Variants in MND1 observed in about 807,000 individuals in gnomAD.
MND1 encodes the protein meiotic nuclear division protein 1 homolog.
A neutral mutation model predicts 35.1 loss-of-function variants in MND1; 28 were observed. That is an observed-to-expected ratio of 0.80 (90% CI 0.59 to 1.09). The LOEUF (loss-of-function observed/expected upper bound fraction) is 1.09, where lower values mean the gene tolerates loss of function less well. MND1 is among the 50% of genes least tolerant of loss of function. The probability of loss-of-function intolerance (pLI) is 0.00; values close to 1 mark genes in which losing one functional copy is unlikely to be tolerated. For missense variants in MND1, 213 were observed against 239.6 expected, an observed-to-expected ratio of 0.89 and a Z score of 0.73; for synonymous variants, 69 against 70.5, an observed-to-expected ratio of 0.98 and a Z score of 0.11.
chr4:153,410,043 CCTTA>C (rs772449764), intron 7 of MND1, among the ~76,000 whole-genome samples: 3 of 152,160 alleles, frequency 2.0e-5, no homozygotes, highest in Non-Finnish European at 4.4e-5. Context: ...AAGCTATTCT[CCTTA>C]CTTGCTGTGT....
intron 6 of MND1, among the ~76,000 whole-genome samples, chr4:153,407,694 G>A (rs112978876): frequency 6.6e-6 from 1 of 152,100 alleles, no homozygotes; most frequent in African/African-American, 2.4e-5. Flanking sequence ...ATAGTACTTC[G>A]CATAAAAAAG....
intron 7 of MND1, among the ~76,000 whole-genome samples, chr4:153,410,349 A>G (rs1729647740): frequency 6.6e-6 from 1 of 152,134 alleles, no homozygotes; most frequent in African/African-American, 2.4e-5. Context: ...TGAGGAAGAA[A>G]GATATTTTTA....
At chr4:153,352,161 C>T (rs1773230288) in intron 2 of MND1, among the ~76,000 whole-genome samples, 1 of 152,128 alleles carries the variant, frequency 6.6e-6, no homozygotes, top group Non-Finnish European at 1.5e-5. Context: ...ATTACTTCAG[C>T]AAACACTTAA....
intron 4 of MND1, among the ~76,000 whole-genome samples, chr4:153,390,995 T>A (rs1729016201): frequency 6.6e-6 from 1 of 152,002 alleles, no homozygotes. Flanking sequence ...ACTTTTTGGA[T>A]AATGTCTACC....
chr4:153,397,122 T>A, intron 5 of MND1, 97 bp from the exon 6 acceptor site: 1 of 774,904 alleles, frequency 1.3e-6, no homozygotes, highest in Non-Finnish European at 2.0e-6. Flanking sequence ...TGCACATCAT[T>A]TATAAGAAAT....
At chr4:153,407,276 C>T (rs1473855707) in intron 6 of MND1, among the ~76,000 whole-genome samples, 1 of 152,194 alleles carries the variant, frequency 6.6e-6, no homozygotes, top group African/African-American at 2.4e-5. Context: ...CCAGCCTGAC[C>T]AACATGGTGA....
intron 4 of MND1, among the ~76,000 whole-genome samples, chr4:153,377,308 T>G (rs1455994249): frequency 6.6e-6 from 1 of 152,212 alleles, no homozygotes; most frequent in African/African-American, 2.4e-5. Flanking sequence ...TTGTTACCAA[T>G]TTTTAGAAGT....
At chr4:153,405,260 CA>C (rs1265151726) in intron 6 of MND1, among the ~76,000 whole-genome samples, 1 of 152,118 alleles carries the variant, frequency 6.6e-6, no homozygotes, top group Admixed American at 6.5e-5. Flanking sequence ...GTTATCAAGA[CA>C]GTATGGTAGT....
intron 2 of MND1, among the ~76,000 whole-genome samples, chr4:153,354,142 A>AC (rs1376462606): frequency 2.1e-5 from 3 of 144,922 alleles, no homozygotes; most frequent in African/African-American, 7.8e-5. Flanking sequence ...TATTCTAGAC[A>AC]GGTTTTTTTT....
chr4:153,350,128 C>T lies in MND1; in HGVS notation c.68C>T (p.Thr23Ile). The T allele has an allele frequency of 1.2e-6, 2 of 1,602,134 alleles. No individual in the cohort carries two copies. The highest frequency in any genetic ancestry group is 1.7e-6 in the Non-Finnish European group (2 of 1,173,752). ...RTRMMEIFSE[T>I]KDVFQLKDLE... ...CGCATGATGGAAATATTTTCTGAAA[C>T]AGTAAGTCATTTTCTTTAACACTTA... Residue 23 changes from threonine to isoleucine, a missense_variant and splice_region_variant, in exon 2 of 8, where the codon ACA (threonine) becomes ATA (isoleucine). Thr to Ile is a moderately conservative substitution (Grantham distance 89). Transcript: ENST00000240488.
intron 4 of MND1, among the ~76,000 whole-genome samples, chr4:153,393,924 CTTTTTT>C (rs36028750): frequency 5.3e-5 from 3 of 56,464 alleles, no homozygotes; most frequent in African/African-American, 1.4e-4. Context: ...ACTTTGTTTT[CTTTTTT>C]TTTTTTTTTT....
intron 2 of MND1, among the ~76,000 whole-genome samples, chr4:153,353,495 A>G (rs897130495): frequency 4.2e-5 from 6 of 143,754 alleles, no homozygotes; most frequent in Admixed American, 2.8e-4. Flanking sequence ...ATGTACTTCA[A>G]AGGAGTTCTT....
chr4:153,399,545 G>A (rs1054781919), intron 6 of MND1, among the ~76,000 whole-genome samples: 2 of 152,158 alleles, frequency 1.3e-5, no homozygotes, highest in Non-Finnish European at 2.9e-5. Context: ...TTGTATTTTA[G>A]GCATGTAATT....
chr4:153,365,087 G>C (rs1773593863), intron 4 of MND1, among the ~76,000 whole-genome samples: 1 of 138,286 alleles, frequency 7.2e-6, no homozygotes. Flanking sequence ...TGAAGAACCA[G>C]ATGTTGTTGC....
chr4:153,406,393 A>C, intron 6 of MND1, among the ~76,000 whole-genome samples: 1 of 151,904 alleles, frequency 6.6e-6, no homozygotes, highest in Admixed American at 6.6e-5. Context: ...GTGGTGGCAC[A>C]CACCTGTAAT....
chr4:153,414,065 G>C (rs1224858048), intron 7 of MND1, among the ~76,000 whole-genome samples: 1 of 152,026 alleles, frequency 6.6e-6, no homozygotes, highest in African/African-American at 2.4e-5. Flanking sequence ...CTGTCTGTAG[G>C]ACAGGAAGAA....
At chr4:153,386,831 G>A (rs1728881882) in intron 4 of MND1, among the ~76,000 whole-genome samples, 2 of 152,150 alleles carry the variant, frequency 1.3e-5, no homozygotes, top group South Asian at 4.1e-4. Context: ...TCCCCTACAT[G>A]TTTTTAATGT....
At chr4:153,387,335 T>G (rs557967548) in intron 4 of MND1, among the ~76,000 whole-genome samples, 3 of 152,074 alleles carry the variant, frequency 2.0e-5, no homozygotes, top group Non-Finnish European at 4.4e-5. Flanking sequence ...TATGAACATT[T>G]CTCTATTGCT....
chr4:153,380,860 T>C (rs551088271), intron 4 of MND1, among the ~76,000 whole-genome samples: 31 of 152,208 alleles, frequency 2.0e-4, no homozygotes, highest in African/African-American at 7.0e-4. Context: ...ATATTACAAC[T>C]CTGAAGCTTA....
Sources: allele counts gnomAD v4.1 joint callset (sites outside exome capture counted in the v4.1 genomes callset), GRCh38; gene constraint gnomAD v4.1.1; transcripts MANE v1.5; gene names NCBI Gene and HGNC (gene_info 2026-07-23, HGNC 2026-07-21).